NET1: variants seen among roughly 807,000 people sequenced by gnomAD.
NET1 encodes neuroepithelial cell-transforming gene 1 protein.
Under a neutral mutation model 61.1 loss-of-function variants are expected in NET1, and 42 were observed. That is an observed-to-expected ratio of 0.69 (90% confidence interval 0.54 to 0.89). The LOEUF (loss-of-function observed/expected upper bound fraction) is 0.89, where lower values mean the gene tolerates loss of function less well. Among genes scored for constraint, NET1 ranks in the 40% least tolerant of loss-of-function variants. NET1 has a pLI of 0.00. For synonymous variants in NET1, 254 were observed against 281.8 expected (o/e 0.90, Z 0.99); for missense variants, 654 against 747.3 (o/e 0.88, Z 1.46).
Position 5,415,463 on chromosome 10 carries a change from G to A in NET1, c.128+2643G>A, listed in dbSNP as rs1308318373. 8.0e-5 allele frequency among the ~76,000 whole-genome samples: 12 copies of A among 149,130 alleles called. No individual in the cohort carries two copies. The highest frequency in any genetic ancestry group is 2.7e-4 in the Admixed American group (4 of 14,990). ...CTCTTTTTTTTTTTTCTTTTGAGACGGAGTCTCAGTCTGTCACCGGGGCTG... is the reference window on the plus strand; with the variant it reads ...CTCTTTTTTTTTTTTCTTTTGAGACAGAGTCTCAGTCTGTCACCGGGGCTG... On this transcript the variant is annotated intron_variant, in intron 1 of 11. Coordinates refer to ENST00000355029, the MANE Select transcript of NET1 (RefSeq NM_001047160.3). The surrounding 1 kb of genome is among the most constrained non-coding windows in gnomAD (Gnocchi z 4.7).
Position 5,447,103 on chromosome 10 carries a change from A to G in NET1, c.256-4727A>G, listed in dbSNP as rs1009184935. Reference sequence around the variant, plus strand: ...TAAAAAAGGAAAAGATTTTAAATGTATATGTTACTCGGGTTACGTTTGTCA... The same window carrying G: ...TAAAAAAGGAAAAGATTTTAAATGTGTATGTTACTCGGGTTACGTTTGTCA... On this transcript the variant is annotated intron_variant, in intron 3 of 11. Transcript: ENST00000355029. This position sits in a 1 kb window ranked among gnomAD's most constrained non-coding sequence, Gnocchi z 4.1. Among the ~76,000 whole-genome samples the G allele has an allele frequency of 5.9e-5, 9 of 152,224 alleles. No individual in the cohort carries two copies. In the East Asian group the frequency reaches 1.3e-3, roughly 23 times the overall value.
In NET1 at chr10:5,453,556, G is replaced by C; in HGVS notation, c.764G>C (p.Ser255Thr). Residue 255 changes from serine to threonine, a missense_variant, in exon 8 of 12, where the codon AGC becomes ACC. Ser to Thr is a moderately conservative substitution (Grantham distance 58). Coordinates refer to ENST00000355029, the MANE Select transcript of NET1 (RefSeq NM_001047160.3). The surrounding 1 kb of genome is among the most constrained non-coding windows in gnomAD (Gnocchi z 4.9). ...TVEQIGHILV[S>T]WLPRLNAYRG... ...GAGCAGATTGGTCACATTCTCGTGA[G>C]CTGGGTATGTAGTGAGTTGTTGACC... 6.2e-7 allele frequency: 1 copy of C among 1,613,924 alleles called. No homozygotes were observed. Among genetic ancestry groups the C allele is most frequent in the Non-Finnish European group, 8.5e-7 (1 of 1,179,858 alleles).
chr10:5,430,113 CAA>C (rs1486776142), intron 3 of NET1, among the ~76,000 whole-genome samples: 1 of 151,740 alleles, frequency 6.6e-6, no homozygotes, highest in Non-Finnish European at 1.5e-5. Flanking sequence ...AAGCATTTTG[CAA>C]AACAGTTTTA....
In NET1 at chr10:5,423,011, G is replaced by T. The variant is rs80160261; in HGVS notation, c.129-3644G>T. ...ATGGTATAATTCTTTTTATATGTTT[G>T]GCATTTACAGATTACATTTTTTATT... On this transcript the variant is annotated intron_variant, in intron 1 of 11. Transcript: ENST00000355029. The surrounding 1 kb of genome is among the most constrained non-coding windows in gnomAD (Gnocchi z 4.4). Among the ~76,000 whole-genome samples the T allele has an allele frequency of 8.8e-4, 133 of 151,966 alleles. 1 individual carries two copies. The highest frequency in any genetic ancestry group is 3.1e-3 in the African/African-American group (127 of 41,436).
chr10:5,429,352 G>A (rs1379806091), intron 3 of NET1, 123 bp downstream of exon 3: 3 of 695,042 alleles, frequency 4.3e-6, no homozygotes, highest in African/African-American at 3.6e-5. Flanking sequence ...TTTGCATTTT[G>A]TAAGTGCAAA....
chr10:5,454,169 G>T lies in NET1; in HGVS notation c.769-96G>T. On this transcript the variant is annotated intron_variant, in intron 8 of 11. Coordinates refer to ENST00000355029, the MANE Select transcript of NET1 (RefSeq NM_001047160.3). The surrounding 1 kb of genome is among the most constrained non-coding windows in gnomAD (Gnocchi z 8.1). ...GTCCACAGCTTGTTAAAACTCTCAA[G>T]AATAGCTGTACATTTTGTGTTTCAT... is the stretch of plus-strand genomic sequence containing the variant. 1 of 1,262,266 alleles carries T rather than the reference G, an allele frequency of 7.9e-7. No individual in the cohort carries two copies. Among genetic ancestry groups the T allele is most frequent in the South Asian group, 1.5e-5 (1 of 68,004 alleles). 78.2% of individuals were successfully genotyped at this position (1,262,266 alleles called of 1,614,324 possible).
At position 5,422,863 on chromosome 10, in the gene NET1, T is replaced by C. The variant is rs886738990; in HGVS notation, c.129-3792T>C. On this transcript the variant is annotated intron_variant, in intron 1 of 11. Coordinates refer to ENST00000355029, the MANE Select transcript of NET1 (RefSeq NM_001047160.3). This position sits in a 1 kb window ranked among gnomAD's most constrained non-coding sequence, Gnocchi z 4.1. ...TTGACCCAAATAAATGAATTGTTTC[T>C]ATAATAATTTAGTTTGTTTTTGCCT... 6.6e-6 allele frequency among the ~76,000 whole-genome samples: 1 copy of C among 152,230 alleles called. No individual in the cohort carries two copies. The highest frequency in any genetic ancestry group is 1.5e-5 in the Non-Finnish European group (1 of 68,036).
At position 5,412,836 on chromosome 10, in the gene NET1, G is replaced by A; in HGVS notation, c.128+16G>A. The A allele has an allele frequency of 7.2e-7, 1 of 1,388,016 alleles. No individual in the cohort carries two copies. Among genetic ancestry groups the A allele is most frequent in the Non-Finnish European group, 9.3e-7 (1 of 1,074,862 alleles). 86.0% of individuals were successfully genotyped at this position (1,388,016 alleles called of 1,614,324 possible). On this transcript the variant is annotated intron_variant, in intron 1 of 11. Coordinates refer to ENST00000355029, the MANE Select transcript of NET1 (RefSeq NM_001047160.3). The surrounding 1 kb of genome is among the most constrained non-coding windows in gnomAD (Gnocchi z 6.5). ...TGGACGGGAGGTGAGTGTGGGGGAG[G>A]GGAGGGCCGAACGGGAGGTGAGTGT... is the stretch of plus-strand genomic sequence containing the variant.
chr10:5,445,997 A>G (rs898630055), intron 3 of NET1, among the ~76,000 whole-genome samples: 1 of 152,216 alleles, frequency 6.6e-6, no homozygotes, highest in Non-Finnish European at 1.5e-5. Context: ...TCCAGAAAAA[A>G]TATCTACCTC....
In NET1 at chr10:5,424,950, T is replaced by C. The variant is rs4509666; in HGVS notation, c.129-1705T>C. ...TGAGCAGTCTTGCCTTCTTACAATC[T>C]ATTGTTCACGTTACTTAAGATTCAA... On this transcript the variant is annotated intron_variant, in intron 1 of 11. Transcript: ENST00000355029. This position sits in a 1 kb window ranked among gnomAD's most constrained non-coding sequence, Gnocchi z 6.1. Among the ~76,000 whole-genome samples the C allele has an allele frequency of 0.97, 147,730 of 152,294 alleles. 71,766 individuals carry two copies. Among genetic ancestry groups the C allele is most frequent in the Non-Finnish European group, 1 (67,991 of 68,038 alleles).
Position 5,427,920 on chromosome 10 carries a change from G to T in NET1, c.195+1199G>T, listed in dbSNP as rs916344107. ...GTTTTCAACTTGTACACAAAATCTT[G>T]GTTCAGATAGCTTTTCTGACTTCAC... On this transcript the variant is annotated intron_variant, in intron 2 of 11. Coordinates refer to ENST00000355029, the MANE Select transcript of NET1 (RefSeq NM_001047160.3). The surrounding 1 kb of genome is among the most constrained non-coding windows in gnomAD (Gnocchi z 4.1). 6.6e-6 allele frequency among the ~76,000 whole-genome samples: 1 copy of T among 151,890 alleles called. No individual in the cohort carries two copies.
chr10:5,440,085 C>T lies in NET1; in HGVS notation c.255+10856C>T, dbSNP rs894080130. On this transcript the variant is annotated intron_variant, in intron 3 of 11. Coordinates refer to ENST00000355029, the MANE Select transcript of NET1 (RefSeq NM_001047160.3). This position sits in a 1 kb window ranked among gnomAD's most constrained non-coding sequence, Gnocchi z 4.1. ...GCAACCTCTGAATTTTTGTGGCATG[C>T]GTTTGATTTACTGGGATATCCAAAA... Among the ~76,000 whole-genome samples the T allele has an allele frequency of 1.3e-5, 2 of 152,146 alleles. No individual in the cohort carries two copies. The highest frequency in any genetic ancestry group is 4.8e-5 in the African/African-American group (2 of 41,438).
chr10:5,453,593 T>G lies in NET1; in HGVS notation c.768+33T>G, dbSNP rs1832745364. ...GTGAGTTGTTGACCCCAGATACAGT[T>G]TCTTACAGATGTGCCATGTTGCAGT... On this transcript the variant is annotated intron_variant, in intron 8 of 11. Coordinates refer to ENST00000355029, the MANE Select transcript of NET1 (RefSeq NM_001047160.3). This position sits in a 1 kb window ranked among gnomAD's most constrained non-coding sequence, Gnocchi z 4.9. 4 of 1,572,788 alleles carry G rather than the reference T, an allele frequency of 2.5e-6. No homozygotes were observed. The highest frequency in any genetic ancestry group is 3.5e-6 in the Non-Finnish European group (4 of 1,142,352).
At position 5,456,151 on chromosome 10, in the gene NET1, G is replaced by A. The variant is rs752119110; in HGVS notation, c.1262G>A (p.Arg421Gln). Residue 421 changes from arginine to glutamine, a missense_variant, in exon 11 of 12, where the codon CGG becomes CAG. Physicochemically the swap from Arg to Gln is conservative, Grantham distance 43. Transcript: ENST00000355029. This position sits in a 1 kb window ranked among gnomAD's most constrained non-coding sequence, Gnocchi z 7.0. ...ACTCGGCCCGTCACACGGAACGAAC[G>A]GCACTCTTACCAGGTTTACCGGCAG... ...VLTRPVTRNE[R>Q]HSYQVYRQPI... 53 of 1,614,056 alleles carry A rather than the reference G, an allele frequency of 3.3e-5. No individual in the cohort carries two copies. Among genetic ancestry groups the A allele is most frequent in the Admixed American group, 1.3e-4 (8 of 60,000 alleles).
At position 5,453,176 on chromosome 10, in the gene NET1, C is replaced by T. The variant is rs1832736537; in HGVS notation, c.595-74C>T. 2.2e-6 allele frequency: 2 copies of T among 904,380 alleles called. No individual in the cohort carries two copies. The highest frequency in any genetic ancestry group is 3.7e-6 in the Non-Finnish European group (2 of 543,482). The allele number at this position is 904,380 out of a possible 1,614,324, so 56.0% of individuals were successfully genotyped here. A position where few individuals can be genotyped will look rare whatever the true frequency, so the allele number is the denominator to read the frequency against. On this transcript the variant is annotated intron_variant, in intron 6 of 11. Transcript: ENST00000355029. This position sits in a 1 kb window ranked among gnomAD's most constrained non-coding sequence, Gnocchi z 4.9. ...CGCTAGCTTTTATGTAATTAATTCT[C>T]TTTGTTTCCAAGTATAGATCCCTCA... is the stretch of plus-strand genomic sequence containing the variant.
rs1207813567 is a variant in NET1, at chr10:5,417,069, A to G, written c.128+4249A>G. ...TCAGCAGATGGGGGAGCCAGAAGGG[A>G]AATGGTTTTGCCCTGGTGTCAGGTT... On this transcript the variant is annotated intron_variant, in intron 1 of 11. Transcript: ENST00000355029. The surrounding 1 kb of genome is among the most constrained non-coding windows in gnomAD (Gnocchi z 5.5). 2.0e-5 allele frequency among the ~76,000 whole-genome samples: 3 copies of G among 152,258 alleles called. No individual in the cohort carries two copies. The East Asian group carries it at 5.8e-4, about 29-fold the overall frequency.
At position 5,426,738 on chromosome 10, in the gene NET1, GTTT is replaced by G. The variant is rs777010608; in HGVS notation, c.195+20_195+22del. ...TTCACTTTGGTGAGTAGATACCTGG[GTTT>G]TTATTTCGAGACATTAGATAGAATT... is the stretch of plus-strand genomic sequence containing the variant. On this transcript the variant is annotated intron_variant, in intron 2 of 11. Coordinates refer to ENST00000355029, the MANE Select transcript of NET1 (RefSeq NM_001047160.3). This position sits in a 1 kb window ranked among gnomAD's most constrained non-coding sequence, Gnocchi z 4.6. 6.4e-7 allele frequency: 1 copy of G among 1,572,364 alleles called. No individual in the cohort carries two copies. The highest frequency in any genetic ancestry group is 1.2e-5 in the South Asian group (1 of 85,714).
Position 5,453,202 on chromosome 10 carries a change from T to C in NET1, c.595-48T>C, listed in dbSNP as rs759260902. On this transcript the variant is annotated intron_variant, in intron 6 of 11. Transcript: ENST00000355029. The surrounding 1 kb of genome is among the most constrained non-coding windows in gnomAD (Gnocchi z 4.9). ...TTTGTTTCCAAGTATAGATCCCTCA[T>C]GTTTTCCTCACATGATCTCTCTGTG... 9.3e-7 allele frequency: 1 copy of C among 1,071,806 alleles called. No individual in the cohort carries two copies. The allele number at this position is 1,071,806 out of a possible 1,614,324, so 66.4% of individuals were successfully genotyped here.
chr10:5,412,662 C>G lies in NET1; in HGVS notation c.-31C>G. ...CCGTCCCTGCCGGTCTCCCGGGCAC[C>G]CGGCCACCGCCCCACCCCCTCCTCC... On this transcript the variant is annotated 5_prime_UTR_variant, in exon 1 of 12. Transcript: ENST00000355029. This position sits in a 1 kb window ranked among gnomAD's most constrained non-coding sequence, Gnocchi z 6.5. 6.9e-7 allele frequency: 1 copy of G among 1,453,348 alleles called. No individual in the cohort carries two copies. The highest frequency in any genetic ancestry group is 9.0e-7 in the Non-Finnish European group (1 of 1,114,718). 90.0% of individuals were successfully genotyped at this position (1,453,348 alleles called of 1,614,324 possible).
Sources: allele counts gnomAD v4.1 joint callset (sites outside exome capture counted in the v4.1 genomes callset), GRCh38; gene constraint gnomAD v4.1.1; non-coding constraint Gnocchi (gnomAD v3.1); transcripts MANE v1.5; gene names NCBI Gene and HGNC (gene_info 2026-07-23, HGNC 2026-07-21).